The following MYO5B variants were observed in gnomAD, a reference collection of about 807,000 sequenced individuals.
The protein encoded by MYO5B is myosin VB, also known as unconventional myosin-Vb.
A neutral mutation model predicts 229.3 loss-of-function variants in MYO5B; 143 were observed. That is an observed-to-expected ratio of 0.62 (90% CI 0.54 to 0.72). MYO5B has a LOEUF of 0.72. MYO5B is among the 30% of genes least tolerant of loss of function. MYO5B has a pLI of 0.00. For missense variants in MYO5B, 2,321 were observed against 2,331.0 expected (o/e 1.00, Z 0.09); for synonymous variants, 918 against 885.2 (o/e 1.04, Z -0.66).
chr18:50,128,320 A>G (rs1250838565), intron 1 of MYO5B, among the ~76,000 whole-genome samples: 2 of 152,204 alleles, frequency 1.3e-5, no homozygotes, highest in Admixed American at 6.5e-5. Flanking sequence ...AGGGGGAGAG[A>G]GAACAAACAG....
intron 2 of MYO5B, among the ~76,000 whole-genome samples, chr18:50,042,733 G>T (rs1032015661): frequency 1.3e-5 from 2 of 152,176 alleles, no homozygotes; most frequent in African/African-American, 4.8e-5. Context: ...CACCTCGGTG[G>T]AGATGTCCCC....
intron 31 of MYO5B, chr18:49,851,037 G>A (rs2024194583): frequency 6.6e-6 from 1 of 152,212 alleles, no homozygotes; most frequent in Non-Finnish European, 1.5e-5. Flanking sequence ...ACAAGATAAA[G>A]CATTTCTTAT....
At chr18:49,883,674 A>G (rs1421689154) in intron 22 of MYO5B, among the ~76,000 whole-genome samples, 1 of 152,192 alleles carries the variant, frequency 6.6e-6, no homozygotes, top group Non-Finnish European at 1.5e-5. Context: ...TACCCAAACG[A>G]TCTTGAAGAA....
At chr18:50,041,516 T>C (rs1439157181) in intron 2 of MYO5B, among the ~76,000 whole-genome samples, 2 of 152,170 alleles carry the variant, frequency 1.3e-5, no homozygotes, top group South Asian at 2.1e-4. Flanking sequence ...AGAAAAATTG[T>C]ATGTTATAAT....
chr18:49,827,521 A>T (rs1194240036), intron 39 of MYO5B, among the ~76,000 whole-genome samples: 7 of 152,242 alleles, frequency 4.6e-5, no homozygotes, highest in Non-Finnish European at 2.9e-5. Context: ...TAGGAAAAGT[A>T]CAAAAACTGA....
chr18:50,054,146 GCA>G (rs1349475382), intron 2 of MYO5B, among the ~76,000 whole-genome samples: 1 of 152,080 alleles, frequency 6.6e-6, no homozygotes, highest in Non-Finnish European at 1.5e-5. Flanking sequence ...CAGGGCTTTG[GCA>G]CACACAGTTC....
At chr18:50,102,732 T>TA (rs2031679063) in intron 1 of MYO5B, among the ~76,000 whole-genome samples, 1 of 137,976 alleles carries the variant, frequency 7.2e-6, no homozygotes, top group Non-Finnish European at 1.5e-5. Context: ...AACCAATGAA[T>TA]TAAAAAAAAA....
chr18:50,031,461 C>A (rs750025465), intron 4 of MYO5B, among the ~76,000 whole-genome samples: 3 of 152,192 alleles, frequency 2.0e-5, no homozygotes, highest in Non-Finnish European at 2.9e-5. Flanking sequence ...GAATTAGATG[C>A]ATTAATGAGA....
At chr18:50,099,476 A>G (rs1395295596) in intron 1 of MYO5B, among the ~76,000 whole-genome samples, 2 of 152,208 alleles carry the variant, frequency 1.3e-5, no homozygotes, top group Non-Finnish European at 2.9e-5. Context: ...ACAAGATGCC[A>G]TGGTTCCTTC....
Position 50,125,922 on chromosome 18 carries a change from T to C in MYO5B, c.27+68845A>G, listed in dbSNP as rs377122752. On this transcript the variant is annotated intron_variant, in intron 1 of 39. Coordinates refer to ENST00000285039, the MANE Select transcript of MYO5B (RefSeq NM_001080467.3). Reference sequence around the variant, plus strand: ...CCAGAAAAGGACAAGACTGTATGACTCCACTTACATGAGGGACCTAGAAGA... The same window carrying C: ...CCAGAAAAGGACAAGACTGTATGACCCCACTTACATGAGGGACCTAGAAGA... 1.1e-4 allele frequency among the ~76,000 whole-genome samples: 16 copies of C among 152,306 alleles called. No individual in the cohort carries two copies. In the East Asian group the frequency reaches 2.9e-3, roughly 28 times the overall value.
chr18:49,939,807 C>T (rs555306243), intron 14 of MYO5B, among the ~76,000 whole-genome samples: 1 of 152,192 alleles, frequency 6.6e-6, no homozygotes, highest in Non-Finnish European at 1.5e-5. Context: ...TATAAAAGGG[C>T]TTCAGATATA....
chr18:49,989,056 G>A (rs1373969130), intron 7 of MYO5B, among the ~76,000 whole-genome samples: 1 of 152,130 alleles, frequency 6.6e-6, no homozygotes, highest in East Asian at 1.9e-4. Flanking sequence ...CTTCAGCACA[G>A]CCCTTAGCAC....
At chr18:50,122,634 GGAGAGAGAGAGAGAGAGA>G (rs778675940) in intron 1 of MYO5B, among the ~76,000 whole-genome samples, 59 of 9,248 alleles carry the variant, frequency 6.4e-3, no homozygotes, top group East Asian at 0.018. Flanking sequence ...GAAGGGGGGG[GGAGAGAGAGAGAGAGAGA>G]GAGAGAGAGA....
intron 37 of MYO5B, 147 bp downstream of exon 37, chr18:49,837,370 T>C: frequency 1.0e-6 from 1 of 970,580 alleles, no homozygotes; most frequent in Non-Finnish European, 1.6e-6. Context: ...AAAAAGGTGA[T>C]GGATTTGAGT....
chr18:49,938,770 C>G lies in MYO5B; in HGVS notation c.1753-1373G>C, dbSNP rs193148679. On this transcript the variant is annotated intron_variant, in intron 14 of 39. Transcript: ENST00000285039. ...AATGCTCACTACTCCTGCCTCTATA[C>G]CTTTGCTTACTGTGCTATTTTTACT... 1.1e-4 allele frequency among the ~76,000 whole-genome samples: 17 copies of G among 152,258 alleles called. No individual in the cohort carries two copies. The East Asian group carries it at 2.1e-3, about 19-fold the overall frequency.
chr18:49,872,073 C>G, intron 27 of MYO5B, 94 bp downstream of exon 27: 2 of 1,170,192 alleles, frequency 1.7e-6, no homozygotes, highest in South Asian at 2.4e-5. Context: ...TGTTAGCAGA[C>G]TGGGGCTCAG....
chr18:49,841,565 C>T (rs949251900), intron 34 of MYO5B, 111 bp from the exon 35 acceptor site: 3 of 1,025,232 alleles, frequency 2.9e-6, no homozygotes, highest in African/African-American at 1.6e-5. Flanking sequence ...TCCTGAGCAG[C>T]CCTGAGGCTG....
rs561952103 is a variant in MYO5B, at chr18:50,188,568, C to G, written c.27+6199G>C. Among the ~76,000 whole-genome samples, 352 of 152,162 alleles carry G rather than the reference C, an allele frequency of 2.3e-3. 2 individuals are homozygous for G. The Middle Eastern group carries it at 0.024, about 10-fold the overall frequency. On this transcript the variant is annotated intron_variant, in intron 1 of 39. Transcript: ENST00000285039. ...ATCAACAAGGCTGAGGTGGGTAGAT[C>G]ATGAGGTCAAGAGATTGAGACCATC... is the stretch of plus-strand genomic sequence containing the variant.
Position 50,125,231 on chromosome 18 carries a change from A to G in MYO5B, c.27+69536T>C, listed in dbSNP as rs936519459. On this transcript the variant is annotated intron_variant, in intron 1 of 39. Coordinates refer to ENST00000285039, the MANE Select transcript of MYO5B (RefSeq NM_001080467.3). Reference sequence around the variant, plus strand: ...TGAATGTTAAGAGATGCATCAATGGATGAAGCTGGAAACCATCATTCCGAG... The same window carrying G: ...TGAATGTTAAGAGATGCATCAATGGGTGAAGCTGGAAACCATCATTCCGAG... 2.0e-5 allele frequency among the ~76,000 whole-genome samples: 3 copies of G among 152,228 alleles called. 1 individual carries two copies. In the East Asian group the frequency reaches 5.8e-4, roughly 29 times the overall value.
Sources: allele counts gnomAD v4.1 joint callset (sites outside exome capture counted in the v4.1 genomes callset), GRCh38; gene constraint gnomAD v4.1.1; transcripts MANE v1.5; gene names NCBI Gene and HGNC (gene_info 2026-07-23, HGNC 2026-07-21).